ABCD3: variants seen among roughly 807,000 people sequenced by gnomAD.
The protein encoded by ABCD3 is ATP-binding cassette sub-family D member 3.
In ABCD3, 41 loss-of-function variants were observed where a neutral mutation model predicts 105.5. The ratio of observed to expected loss-of-function variants is 0.39; its 90% CI spans 0.30 to 0.50. ABCD3 has a LOEUF of 0.50. ABCD3 is among the 20% of genes least tolerant of loss of function. The pLI is 0.84. For synonymous variants in ABCD3, 258 were observed against 269.0 expected (o/e 0.96, Z 0.40); for missense variants, 622 against 806.3 (o/e 0.77, Z 2.77).
At chr1:94,413,680 C>T (rs573570482), upstream of ABCD3, among the ~76,000 whole-genome samples, 1 of 152,102 alleles carries the variant, frequency 6.6e-6, no homozygotes, top group Non-Finnish European at 1.5e-5. Context: ...CCTTCCATTT[C>T]TAATTGGTAA....
intron 1 of ABCD3, among the ~76,000 whole-genome samples, chr1:94,421,873 C>T (rs189841019): frequency 1.5e-4 from 23 of 152,098 alleles, no homozygotes; most frequent in African/African-American, 5.3e-4. Context: ...TTTGTGGTGC[C>T]CTTTCAATCC....
the ABCD3 span, among the ~76,000 whole-genome samples, chr1:94,386,436 A>G: frequency 6.6e-6 from 1 of 152,378 alleles, no homozygotes; most frequent in African/African-American, 2.4e-5. Flanking sequence ...TCTATTACAC[A>G]TTATTAGTAC....
rs1395435137 is a variant in ABCD3 at position 94,517,074 on chromosome 1, G to A, written c.1925G>A (p.Arg642Lys). The change falls in exon 23 of 23, where the codon AGA becomes AAA. Residue 642 changes from arginine to lysine, a missense_variant. Arg to Lys is a conservative substitution (Grantham distance 26). Around this residue, in one of 4 missense-constraint regions of ABCD3, gnomAD observed 285 missense variants for 352.5 expected, o/e 0.81. Coordinates refer to ENST00000370214, the MANE Select transcript of ABCD3 (RefSeq NM_002858.4). ...TAGTACTACCTGCATATGGATGGCA[G>A]AGGCAACTATGAATTCAAACAGATA... ...HHEYYLHMDG[R>K]GNYEFKQITE... The A allele has an allele frequency of 6.2e-7, 1 of 1,610,856 alleles. No homozygotes were observed. The highest frequency in any genetic ancestry group is 1.3e-5 in the African/African-American group (1 of 74,674).
At chr1:94,398,540 C>A in the ABCD3 span, among the ~76,000 whole-genome samples, 1 of 152,172 alleles carries the variant, frequency 6.6e-6, no homozygotes, top group African/African-American at 2.4e-5. Context: ...CCACCCCCTG[C>A]GGTTTGGTAT....
intron 8 of ABCD3, chr1:94,480,196 G>C: frequency 2.1e-6 from 1 of 486,916 alleles, no homozygotes; most frequent in East Asian, 3.7e-5. Flanking sequence ...TAGAAAAACT[G>C]TGAACTGCAA....
At chr1:94,508,500 T>G (rs1650482211) in intron 21 of ABCD3, among the ~76,000 whole-genome samples, 1 of 151,460 alleles carries the variant, frequency 6.6e-6, no homozygotes, top group Non-Finnish European at 1.5e-5. Context: ...CATATGAACT[T>G]TAAAGTAGTT....
chr1:94,507,150 C>G (rs1650404484), intron 21 of ABCD3, among the ~76,000 whole-genome samples: 1 of 151,932 alleles, frequency 6.6e-6, no homozygotes, highest in African/African-American at 2.4e-5. Context: ...CTTCCCCCAC[C>G]CCACAACAGT....
chr1:94,464,111 A>G (rs929575798), intron 2 of ABCD3, among the ~76,000 whole-genome samples: 6 of 151,996 alleles, frequency 3.9e-5, no homozygotes, highest in Admixed American at 2.0e-4. Context: ...GACCCTGTCT[A>G]GTCTGTCTGT....
intron 21 of ABCD3, among the ~76,000 whole-genome samples, chr1:94,513,147 A>C (rs1007642561): frequency 1.3e-5 from 2 of 152,106 alleles, no homozygotes; most frequent in Non-Finnish European, 2.9e-5. Flanking sequence ...TTATCTTGTT[A>C]ATGATTTATT....
At chr1:94,499,983 T>G (rs377274723) in intron 20 of ABCD3, among the ~76,000 whole-genome samples, 7 of 152,308 alleles carry the variant, frequency 4.6e-5, no homozygotes, top group Admixed American at 3.3e-4. Flanking sequence ...TTTGTATCAC[T>G]CAGGCTATTC....
chr1:94,498,160 G>A, intron 16 of ABCD3, among the ~76,000 whole-genome samples: 1 of 152,174 alleles, frequency 6.6e-6, no homozygotes, highest in East Asian at 1.9e-4. Flanking sequence ...TAAACTGCTG[G>A]ACTCAAGCAA....
At chr1:94,507,503 C>T (rs993476903) in intron 21 of ABCD3, among the ~76,000 whole-genome samples, 3 of 152,064 alleles carry the variant, frequency 2.0e-5, no homozygotes, top group Admixed American at 1.3e-4. Context: ...TGGGTATACA[C>T]CCAGTAATGG....
At chr1:94,414,674 C>T (rs934716746), upstream of ABCD3, among the ~76,000 whole-genome samples, 4 of 152,252 alleles carry the variant, frequency 2.6e-5, no homozygotes, top group African/African-American at 9.6e-5. Flanking sequence ...ACATTGCAAA[C>T]TTTTCTCTCA....
At chr1:94,454,650 C>G (rs1247968372) in intron 1 of ABCD3, among the ~76,000 whole-genome samples, 2 of 151,974 alleles carry the variant, frequency 1.3e-5, no homozygotes, top group Non-Finnish European at 2.9e-5. Context: ...TCTTATAGAA[C>G]TTACTTTCTT....
chr1:94,455,709 A>G (rs1557670081), intron 1 of ABCD3: 1 of 539,018 alleles, frequency 1.9e-6, no homozygotes, highest in Non-Finnish European at 3.3e-6. Context: ...GCTTTATAAG[A>G]TGTCATGGTT....
upstream of ABCD3, among the ~76,000 whole-genome samples, chr1:94,414,640 C>T (rs1658966810): frequency 1.3e-5 from 2 of 152,042 alleles, no homozygotes; most frequent in Non-Finnish European, 2.9e-5. Flanking sequence ...TGTTTCAGAC[C>T]CTCCACAAAT....
At chr1:94,429,927 C>T (rs1413464821) in intron 1 of ABCD3, among the ~76,000 whole-genome samples, 1 of 152,196 alleles carries the variant, frequency 6.6e-6, no homozygotes, top group Non-Finnish European at 1.5e-5. Context: ...CACTGTGCGC[C>T]TGGAAAAACT....
At chr1:94,503,906 CT>C (rs71097203) in intron 20 of ABCD3, among the ~76,000 whole-genome samples, 4,496 of 69,826 alleles carry the variant, frequency 0.064, 43 homozygotes, top group African/African-American at 0.15. Flanking sequence ...ACAAGTGATT[CT>C]TTTTTTTTTT....
intron 2 of ABCD3, among the ~76,000 whole-genome samples, chr1:94,460,728 T>C (rs1276880272): frequency 6.6e-6 from 1 of 152,118 alleles, no homozygotes; most frequent in Admixed American, 6.6e-5. Context: ...TCTCTGAATA[T>C]CCTGGTGATT....
Sources: gnomAD v4.1 joint callset for allele counts (sites outside exome capture counted in the v4.1 genomes callset) on GRCh38, gnomAD v4.1.1 for gene constraint, gnomAD v4.1.1 regional missense constraint, MANE v1.5 for transcripts, NCBI Gene and HGNC (gene_info 2026-07-23, HGNC 2026-07-21) for gene names.